Variants in APBA1 observed in about 807,000 individuals in gnomAD.
APBA1 encodes the protein amyloid-beta A4 precursor protein-binding family A member 1.
APBA1 carries 55 observed loss-of-function variants against 86.6 expected under a neutral mutation model. That is an observed-to-expected ratio of 0.64 (90% CI 0.51 to 0.80). APBA1 has a LOEUF of 0.80. APBA1 is among the 30% of genes least tolerant of loss of function. The pLI is 0.00. For missense variants in APBA1, 1,090 were observed against 1,183.0 expected, an observed-to-expected ratio of 0.92 and a Z score of 1.15; for synonymous variants, 511 against 493.9, an observed-to-expected ratio of 1.03 and a Z score of -0.46.
At chr9:69,435,641 TG>T (rs1245015355) in intron 11 of APBA1, among the ~76,000 whole-genome samples, 3 of 152,240 alleles carry the variant, frequency 2.0e-5, no homozygotes, top group East Asian at 3.8e-4. Context: ...TTGATGGGGT[TG>T]TTTTTTTCTT....
At position 69,430,921 on chromosome 9, in the gene APBA1, A is replaced by C. The variant is rs1401639831; in HGVS notation, c.*406T>G. On this transcript the variant is annotated 3_prime_UTR_variant, in exon 13 of 13. Transcript: ENST00000265381. ...ATAAACTCAGAGAGCAGGGATCAGC[A>C]ACTGGGTTTTAGGCACTGCTGAATC... The C allele has an allele frequency of 6.0e-6, 1 of 165,762 alleles. No homozygotes were observed. Among genetic ancestry groups the C allele is most frequent in the African/African-American group, 2.4e-5 (1 of 42,140 alleles). 10.3% of individuals were successfully genotyped at this position (165,762 alleles called of 1,614,324 possible).
At chr9:69,588,404 T>C (rs762605137) in intron 1 of APBA1, among the ~76,000 whole-genome samples, 1 of 152,052 alleles carries the variant, frequency 6.6e-6, no homozygotes, top group Non-Finnish European at 1.5e-5. Context: ...TGATTTTTTT[T>C]TTTAAGAAGC....
At chr9:69,446,473 G>A (rs754999543) in intron 10 of APBA1, among the ~76,000 whole-genome samples, 1 of 152,064 alleles carries the variant, frequency 6.6e-6, no homozygotes, top group African/African-American at 2.4e-5. Context: ...TAATTTTCTG[G>A]TTCTATAGAG....
intron 1 of APBA1, among the ~76,000 whole-genome samples, chr9:69,614,424 T>C (rs1054791873): frequency 1.3e-5 from 2 of 152,214 alleles, no homozygotes; most frequent in African/African-American, 4.8e-5. Flanking sequence ...AAATTACATT[T>C]ATGGGTATGT....
intron 2 of APBA1, among the ~76,000 whole-genome samples, chr9:69,482,702 A>G (rs1369372182): frequency 6.6e-6 from 1 of 151,988 alleles, no homozygotes; most frequent in Non-Finnish European, 1.5e-5. Context: ...TAGTCGCAAT[A>G]GCAAAGACTT....
intron 1 of APBA1, among the ~76,000 whole-genome samples, chr9:69,569,505 GAGT>G (rs1419348265): frequency 3.3e-5 from 5 of 150,972 alleles, no homozygotes; most frequent in African/African-American, 7.3e-5. Flanking sequence ...GGCATCTAGT[GAGT>G]AGAAGCCAGG....
At chr9:69,431,629 C>G (rs1191541089) in intron 12 of APBA1, among the ~76,000 whole-genome samples, 2 of 152,246 alleles carry the variant, frequency 1.3e-5, no homozygotes, top group African/African-American at 4.8e-5. Flanking sequence ...AAAAACCAAG[C>G]AAGGCTTATT....
intron 2 of APBA1, 24 bp from the exon 3 acceptor site, chr9:69,476,167 C>T (rs1039121368): frequency 6.4e-7 from 1 of 1,572,706 alleles, no homozygotes; most frequent in Non-Finnish European, 8.7e-7. Context: ...AGAGGAAACA[C>T]AGTGAGAACT....
At chr9:69,459,341 T>C (rs1258590608) in intron 5 of APBA1, among the ~76,000 whole-genome samples, 1 of 152,250 alleles carries the variant, frequency 6.6e-6, no homozygotes, top group African/African-American at 2.4e-5. Context: ...AAACCTTCTA[T>C]ATACTTGCTG....
At chr9:69,444,299 T>C (rs1362954336) in intron 10 of APBA1, among the ~76,000 whole-genome samples, 2 of 152,170 alleles carry the variant, frequency 1.3e-5, no homozygotes, top group Non-Finnish European at 1.5e-5. Context: ...CCTGGGGAAA[T>C]GAACATCTGT....
At chr9:69,433,596 A>C (rs1483173464) in intron 11 of APBA1, among the ~76,000 whole-genome samples, 1 of 152,190 alleles carries the variant, frequency 6.6e-6, no homozygotes, top group Non-Finnish European at 1.5e-5. Context: ...ACTATGAACA[A>C]AGCAAACAAG....
intron 2 of APBA1, among the ~76,000 whole-genome samples, chr9:69,492,155 C>T (rs1474320067): frequency 2.0e-5 from 3 of 152,078 alleles, no homozygotes; most frequent in Non-Finnish European, 4.4e-5. Flanking sequence ...TAAGGCCCAG[C>T]GTCTGGCAGA....
At chr9:69,443,532 C>T (rs1331507191) in intron 10 of APBA1, among the ~76,000 whole-genome samples, 1 of 152,170 alleles carries the variant, frequency 6.6e-6, no homozygotes, top group Non-Finnish European at 1.5e-5. Flanking sequence ...CATGCAGGAA[C>T]ACCCCTAAGA....
At chr9:69,634,157 A>T (rs1823107348) in intron 1 of APBA1, among the ~76,000 whole-genome samples, 4 of 152,192 alleles carry the variant, frequency 2.6e-5, no homozygotes, top group Admixed American at 1.3e-4. Flanking sequence ...ACAGTCTTGA[A>T]TTGCCAACAC....
intron 1 of APBA1, among the ~76,000 whole-genome samples, chr9:69,530,818 A>T (rs946916128): frequency 1.3e-5 from 2 of 152,206 alleles, no homozygotes; most frequent in African/African-American, 4.8e-5. Context: ...CTCCAAAAAA[A>T]GTCTGTATTG....
rs776865087 is a variant in APBA1, at chr9:69,432,630, C to A, written c.2348G>T (p.Arg783Leu). The change falls in exon 12 of 13, where the codon CGT (arginine) becomes CTT (leucine). Residue 783 changes from arginine (R) to leucine (L), a missense_variant. Physicochemically the swap from Arg to Leu is moderately radical, Grantham distance 102. Coordinates refer to ENST00000265381, the MANE Select transcript of APBA1 (RefSeq NM_001163.4). ...GATTTCAATGATCCGGTGCCCCACACGGACGCCTCCTCTCTCAGCTATTCC... is the reference window on the plus strand; with the variant it reads ...GATTTCAATGATCCGGTGCCCCACAAGGACGCCTCCTCTCTCAGCTATTCC... ...RGGIAERGGVRVGHRIIEING... is the reference protein window; with the variant it reads ...RGGIAERGGVLVGHRIIEING... 6.2e-7 allele frequency: 1 copy of A among 1,604,896 alleles called. No individual in the cohort carries two copies. The highest frequency in any genetic ancestry group is 1.7e-5 in the Admixed American group (1 of 58,856).
chr9:69,460,332 T>G (rs1413428311), intron 5 of APBA1, among the ~76,000 whole-genome samples: 2 of 152,156 alleles, frequency 1.3e-5, no homozygotes, highest in Non-Finnish European at 2.9e-5. Flanking sequence ...CACATTACAG[T>G]GGGAATAGTT....
intron 1 of APBA1, among the ~76,000 whole-genome samples, chr9:69,560,959 G>C (rs532699390): frequency 1.3e-5 from 2 of 152,224 alleles, no homozygotes; most frequent in East Asian, 3.9e-4. Flanking sequence ...TGTACAAGTT[G>C]GTGCCACACA....
chr9:69,433,736 C>G (rs528571374), intron 11 of APBA1, among the ~76,000 whole-genome samples: 1 of 151,822 alleles, frequency 6.6e-6, no homozygotes, highest in African/African-American at 2.4e-5. Context: ...GATATTTCAA[C>G]TCCAAATGGG....
Sources: allele counts gnomAD v4.1 joint callset (sites outside exome capture counted in the v4.1 genomes callset), GRCh38; gene constraint gnomAD v4.1.1; transcripts MANE v1.5; gene names NCBI Gene and HGNC (gene_info 2026-07-23, HGNC 2026-07-21).